SLIT3: variants seen among roughly 807,000 people sequenced by gnomAD.
SLIT3 encodes slit guidance ligand 3.
In SLIT3, 68 loss-of-function variants were observed where a neutral mutation model predicts 184.0. The ratio of observed to expected loss-of-function variants is 0.37; its 90% confidence interval spans 0.30 to 0.45. The LOEUF is 0.45. Ranked by LOEUF, SLIT3 falls within the 20% of genes least tolerant of loss-of-function variation. SLIT3 has a pLI of 1.00. For synonymous variants in SLIT3, 831 were observed against 828.6 expected, an observed-to-expected ratio of 1.00 and a Z score of -0.05; for missense variants, 1,707 against 2,026.0, an observed-to-expected ratio of 0.84 and a Z score of 3.02.
At chr5:169,189,451 C>T (rs1015462755) in intron 4 of SLIT3, among the ~76,000 whole-genome samples, 7 of 148,488 alleles carry the variant, frequency 4.7e-5, no homozygotes, top group South Asian at 2.1e-4. Context: ...TGATTCTCTT[C>T]GCATGATTGT....
rs180742563 is a variant in SLIT3 at position 169,196,012 on chromosome 5, C to T, written c.342-2462G>A. 6.9e-3 allele frequency among the ~76,000 whole-genome samples: 1,054 copies of T among 152,156 alleles called. 8 individuals are homozygous for T. Among genetic ancestry groups the T allele is most frequent in the South Asian group, 0.025 (121 of 4,818 alleles). ...CCAGAACTTTTTCATCTTGCAAAAC[C>T]GAAATTCTGTCCCTGTTGAACAACA... On this transcript the variant is annotated intron_variant, in intron 3 of 35. Transcript: ENST00000519560.
At chr5:169,234,119 G>A (rs1224211712) in intron 3 of SLIT3, among the ~76,000 whole-genome samples, 3 of 152,062 alleles carry the variant, frequency 2.0e-5, no homozygotes, top group Non-Finnish European at 2.9e-5. Context: ...CTTTATTTTT[G>A]AAACAATAAA....
intron 7 of SLIT3, among the ~76,000 whole-genome samples, chr5:168,822,780 G>T (rs1386867101): frequency 3.3e-5 from 5 of 152,174 alleles, no homozygotes; most frequent in African/African-American, 9.7e-5. Flanking sequence ...TGTGCTGGGT[G>T]GGGGCTGGCT....
intron 4 of SLIT3, chr5:169,013,436 G>C (rs1274706642): frequency 6.6e-6 from 1 of 152,208 alleles, no homozygotes; most frequent in African/African-American, 2.4e-5. Context: ...TCTTCTGGGG[G>C]AAGCCGAAAT....
At chr5:169,229,671 C>T (rs868491183) in intron 3 of SLIT3, among the ~76,000 whole-genome samples, 2 of 112,702 alleles carry the variant, frequency 1.8e-5, no homozygotes, top group Non-Finnish European at 4.3e-5. Flanking sequence ...TCTCTCTCTC[C>T]TTATTCATCA....
At chr5:169,047,492 G>T (rs370798130) in intron 4 of SLIT3, among the ~76,000 whole-genome samples, 1 of 150,144 alleles carries the variant, frequency 6.7e-6, no homozygotes, top group Admixed American at 6.6e-5. Flanking sequence ...GCAGACTGGA[G>T]GTTCCATCTG....
At chr5:169,036,393 C>CT (rs1757250241) in intron 4 of SLIT3, 2 of 152,296 alleles carry the variant, frequency 1.3e-5, no homozygotes, top group African/African-American at 4.8e-5. Flanking sequence ...CAGTTGTTTT[C>CT]TAAGAGCGAG....
intron 3 of SLIT3, among the ~76,000 whole-genome samples, chr5:169,219,622 G>A (rs1017839670): frequency 6.6e-6 from 1 of 152,190 alleles, no homozygotes; most frequent in African/African-American, 2.4e-5. Flanking sequence ...AATGCAGCAA[G>A]GGGCTCACCC....
chr5:169,032,475 T>C (rs1224593742), intron 4 of SLIT3, among the ~76,000 whole-genome samples: 1 of 152,030 alleles, frequency 6.6e-6, no homozygotes, highest in African/African-American at 2.4e-5. Context: ...GTTCATACCA[T>C]GTCTTCTAAG....
intron 4 of SLIT3, among the ~76,000 whole-genome samples, chr5:169,026,009 C>T (rs1360893166): frequency 6.6e-6 from 1 of 152,162 alleles, no homozygotes; most frequent in Non-Finnish European, 1.5e-5. Flanking sequence ...AGCCTGTCTC[C>T]TCTCCCCATG....
intron 26 of SLIT3, among the ~76,000 whole-genome samples, chr5:168,704,268 G>A (rs528226149): frequency 2.2e-5 from 3 of 139,474 alleles, no homozygotes; most frequent in Non-Finnish European, 4.4e-5. Context: ...TCAGCCAACA[G>A]ATATATTTTT....
At chr5:168,989,871 C>G (rs1755260189) in intron 4 of SLIT3, among the ~76,000 whole-genome samples, 1 of 152,164 alleles carries the variant, frequency 6.6e-6, no homozygotes, top group Non-Finnish European at 1.5e-5. Context: ...GTGAAGGGGC[C>G]AGGTTGAATG....
intron 1 of SLIT3, among the ~76,000 whole-genome samples, chr5:169,268,616 G>A (rs1766484998): frequency 6.6e-6 from 1 of 152,194 alleles, no homozygotes; most frequent in Admixed American, 6.5e-5. Flanking sequence ...ACGGAGTTGA[G>A]GAACACTGGA....
intron 1 of SLIT3, among the ~76,000 whole-genome samples, chr5:169,276,463 G>T (rs1057463512): frequency 6.6e-6 from 1 of 152,158 alleles, no homozygotes; most frequent in East Asian, 1.9e-4. Context: ...GGTTCAACTG[G>T]TCCAAAGAGT....
chr5:168,916,335 T>A (rs1761433714), intron 4 of SLIT3, among the ~76,000 whole-genome samples: 1 of 152,194 alleles, frequency 6.6e-6, no homozygotes, highest in African/African-American at 2.4e-5. Flanking sequence ...CTTTCTCCTC[T>A]CCTCTGGAGG....
At chr5:168,899,959 C>A (rs1036208031) in intron 4 of SLIT3, among the ~76,000 whole-genome samples, 2 of 152,040 alleles carry the variant, frequency 1.3e-5, no homozygotes, top group East Asian at 3.9e-4. Context: ...ACACAGAGGC[C>A]CCGGGAAAAG....
intron 4 of SLIT3, among the ~76,000 whole-genome samples, chr5:168,943,137 C>G (rs1762375458): frequency 6.6e-6 from 1 of 152,214 alleles, no homozygotes; most frequent in South Asian, 2.1e-4. Context: ...TCCCAGGATC[C>G]TAAAAGGAGC....
chr5:168,968,042 G>A (rs2113310432), intron 4 of SLIT3, among the ~76,000 whole-genome samples: 1 of 152,292 alleles, frequency 6.6e-6, no homozygotes, highest in South Asian at 2.1e-4. Flanking sequence ...GCCTTGGAAA[G>A]GAGAGTGGGT....
intron 3 of SLIT3, among the ~76,000 whole-genome samples, chr5:169,239,043 C>T (rs1268395996): frequency 6.6e-6 from 1 of 152,154 alleles, no homozygotes; most frequent in Non-Finnish European, 1.5e-5. Flanking sequence ...AAACCATCTA[C>T]TGGGGATTCA....
Sources: gnomAD v4.1 joint callset for allele counts (sites outside exome capture counted in the v4.1 genomes callset) on GRCh38, gnomAD v4.1.1 for gene constraint, MANE v1.5 for transcripts, NCBI Gene and HGNC (gene_info 2026-07-23, HGNC 2026-07-21) for gene names.